The following PAH variants were observed in gnomAD, a reference collection of about 807,000 sequenced individuals.
PAH encodes the protein phenylalanine-4-hydroxylase.
A neutral mutation model predicts 62.0 loss-of-function variants in PAH; 64 were observed. The ratio of observed to expected loss-of-function variants is 1.03; its 90% CI spans 0.84 to 1.27. PAH has a LOEUF of 1.27. Among genes scored for constraint, PAH ranks in the 50% most tolerant of loss-of-function variants. PAH has a pLI of 0.00. For synonymous variants in PAH, 195 were observed against 196.2 expected, an observed-to-expected ratio of 0.99 and a Z score of 0.05; for missense variants, 579 against 542.8, an observed-to-expected ratio of 1.07 and a Z score of -0.66.
upstream of PAH, chr12:102,958,411 A>C (rs2136785388): frequency 1.3e-6 from 2 of 1,527,058 alleles, no homozygotes; most frequent in Non-Finnish European, 1.8e-6. Context: ...CAGCAGCAGC[A>C]GCAGCAGCAG....
At chr12:102,864,391 C>G (rs754317462) in intron 5 of PAH, among the ~76,000 whole-genome samples, 2 of 152,124 alleles carry the variant, frequency 1.3e-5, no homozygotes. Flanking sequence ...ACCGCAGTAT[C>G]CCCTTTATGC....
At chr12:102,879,404 TG>T (rs1438306941) in intron 3 of PAH, among the ~76,000 whole-genome samples, 1 of 151,430 alleles carries the variant, frequency 6.6e-6, no homozygotes, top group Admixed American at 6.6e-5. Context: ...GTGGCCAATC[TG>T]GGGAAATTCC....
chr12:102,922,072 C>T (rs1878563372), upstream of PAH, among the ~76,000 whole-genome samples: 1 of 151,974 alleles, frequency 6.6e-6, no homozygotes, highest in African/African-American at 2.4e-5. Context: ...CCAAAGATAA[C>T]CAATGTTGTC....
At chr12:102,846,081 A>T (rs1052431750) in intron 9 of PAH, among the ~76,000 whole-genome samples, 1 of 152,152 alleles carries the variant, frequency 6.6e-6, no homozygotes, top group Non-Finnish European at 1.5e-5. Flanking sequence ...AAATAGTTAA[A>T]TTTTTAGTTG....
At chr12:102,886,635 A>T (rs1373196825) in intron 3 of PAH, among the ~76,000 whole-genome samples, 42 of 152,108 alleles carry the variant, frequency 2.8e-4, no homozygotes, top group Admixed American at 2.8e-3. Flanking sequence ...TGTATTGGTT[A>T]TGTCACTCCA....
intron 7 of PAH, chr12:102,852,221 A>C: frequency 5.0e-6 from 1 of 200,370 alleles, no homozygotes; most frequent in Middle Eastern, 2.2e-3. Flanking sequence ...CAGTGAGGGA[A>C]GAAAACCTAC....
chr12:102,957,147 G>C lies in PAH; in HGVS notation c.-96+1048C>G, dbSNP rs1010300510. ...CCCGAAGAGAATAACAGTGAGGAGA[G>C]AGAGAAAACAGGAAAAGTCGAGCCC... On this transcript the variant is annotated intron_variant, in intron 1 of 4. Coordinates refer to the PAH transcript ENST00000551337. The surrounding 1 kb of genome is among the most constrained non-coding windows in gnomAD (Gnocchi z 4.1). 2.6e-5 allele frequency among the ~76,000 whole-genome samples: 4 copies of C among 152,118 alleles called. No individual in the cohort carries two copies. Among genetic ancestry groups the C allele is most frequent in the Admixed American group, 2.0e-4 (3 of 15,276 alleles).
Position 102,839,670 on chromosome 12 carries a change from C to A in PAH, c.1316-452G>T, listed in dbSNP as rs992505900. Among the ~76,000 whole-genome samples, 12 of 152,310 alleles carry A rather than the reference C, an allele frequency of 7.9e-5. No individual in the cohort carries two copies. In the South Asian group the frequency reaches 1.0e-3, roughly 13 times the overall value. ...ATGACTCAAAGCTATTAATTTTTAG[C>A]TGGCTTTTCATTTGATTCTGATGCA... On this transcript the variant is annotated intron_variant, in intron 12 of 12. Transcript: ENST00000553106.
Position 102,852,814 on chromosome 12 carries a change from C to T in PAH, c.842+1G>A, listed in dbSNP as rs5030852. 5.8e-5 allele frequency: 94 copies of T among 1,613,868 alleles called. No homozygotes were observed. The highest frequency in any genetic ancestry group is 7.5e-5 in the Non-Finnish European group (89 of 1,179,922). ...ACTGGTAGCTGGAGGACAGTACTCACGGTTCGGGGGTATACATGGGCTTGG... is the reference window on the plus strand; with the variant it reads ...ACTGGTAGCTGGAGGACAGTACTCATGGTTCGGGGGTATACATGGGCTTGG... On this transcript the variant is annotated splice_donor_variant, in intron 7 of 12. Coordinates refer to ENST00000553106, the MANE Select transcript of PAH (RefSeq NM_000277.3). LOFTEE classifies it high-confidence loss of function.
At chr12:102,893,229 G>A (rs933274587) in intron 3 of PAH, among the ~76,000 whole-genome samples, 20 of 151,946 alleles carry the variant, frequency 1.3e-4, no homozygotes, top group South Asian at 6.2e-4. Context: ...GTGAAATCCC[G>A]TCTCTATGGA....
At chr12:102,925,872 T>C (rs954727243) in intron 1 of PAH, among the ~76,000 whole-genome samples, 1 of 152,150 alleles carries the variant, frequency 6.6e-6, no homozygotes, top group Non-Finnish European at 1.5e-5. Flanking sequence ...GTAAATCAAG[T>C]GCATTTGATC....
In PAH at chr12:102,843,657, C is replaced by T. The variant is rs772683682; in HGVS notation, c.1188G>A (p.Lys396=). 5 of 1,613,558 alleles carry T rather than the reference C, an allele frequency of 3.1e-6. No homozygotes were observed. The highest frequency in any genetic ancestry group is 2.2e-5 in the South Asian group (2 of 91,046). ...YYVAESFNDA[K]EKVRNFAATI... Reference sequence around the variant, plus strand: ...TGTCACCACCTCACCTTACTTTCTCCTTGGCATCATTAAAACTCTCTGCCA... The same window carrying T: ...TGTCACCACCTCACCTTACTTTCTCTTTGGCATCATTAAAACTCTCTGCCA... The change falls in exon 11 of 13, where the codon AAG becomes AAA. Residue 396 remains lysine (K), a synonymous_variant. Coordinates refer to ENST00000553106, the MANE Select transcript of PAH (RefSeq NM_000277.3).
chr12:102,947,335 A>C (rs964900681), intron 1 of PAH, among the ~76,000 whole-genome samples: 1 of 152,138 alleles, frequency 6.6e-6, no homozygotes, highest in African/African-American at 2.4e-5. Context: ...TATAGAACAC[A>C]AAAGGAGGGA....
rs146376918 is a variant in PAH, at chr12:102,882,138, A to G, written c.353-4588T>C. 4.2e-4 allele frequency among the ~76,000 whole-genome samples: 64 copies of G among 152,226 alleles called. 1 individual carries two copies. The East Asian group carries it at 8.9e-3, about 21-fold the overall frequency. ...CCAACTCTTACCTCTTGTCCTTTTGATGTTAAAGACAACATGCTATTTACT... is the reference window on the plus strand; with the variant it reads ...CCAACTCTTACCTCTTGTCCTTTTGGTGTTAAAGACAACATGCTATTTACT... On this transcript the variant is annotated intron_variant, in intron 3 of 12. Coordinates refer to ENST00000553106, the MANE Select transcript of PAH (RefSeq NM_000277.3).
At chr12:102,859,733 T>G (rs1048136482) in intron 5 of PAH, among the ~76,000 whole-genome samples, 1 of 152,216 alleles carries the variant, frequency 6.6e-6, no homozygotes, top group African/African-American at 2.4e-5. Context: ...CACATGATTA[T>G]CTCAATAGAT....
chr12:102,891,265 A>T (rs11111419), intron 3 of PAH, among the ~76,000 whole-genome samples: 53,904 of 151,840 alleles, frequency 0.36, 10,671 homozygotes, highest in African/African-American at 0.52. Context: ...GAACAGGCAG[A>T]TTGACCCTTT....
chr12:102,902,368 C>T (rs1020966056), intron 2 of PAH, among the ~76,000 whole-genome samples: 2 of 152,132 alleles, frequency 1.3e-5, no homozygotes, highest in Non-Finnish European at 2.9e-5. Flanking sequence ...ATATAAGAAG[C>T]TATGAGAGGT....
In PAH at chr12:102,866,253, T is replaced by C. The variant is rs112588570; in HGVS notation, c.509+343A>G. Among the ~76,000 whole-genome samples the C allele has an allele frequency of 9.4e-3, 1,433 of 152,290 alleles. 16 individuals are homozygous for C. Among genetic ancestry groups the C allele is most frequent in the African/African-American group, 0.032 (1,316 of 41,558 alleles). ...CTCTTTTTCCTTCTTCCCTGTTTAA[T>C]GTAGAGAAGACCGGAGGCTGTTTTA... On this transcript the variant is annotated intron_variant, in intron 5 of 12. Coordinates refer to ENST00000553106, the MANE Select transcript of PAH (RefSeq NM_000277.3).
intron 2 of PAH, among the ~76,000 whole-genome samples, chr12:102,911,781 A>G (rs199511924): frequency 2.6e-5 from 4 of 152,202 alleles, no homozygotes; most frequent in Admixed American, 6.5e-5. Flanking sequence ...GTCATGCCCC[A>G]AAAGGATTTG....
Sources: gnomAD v4.1 joint callset for allele counts (sites outside exome capture counted in the v4.1 genomes callset) on GRCh38, gnomAD v4.1.1 for gene constraint, Gnocchi (gnomAD v3.1) non-coding constraint, MANE v1.5 for transcripts, NCBI Gene and HGNC (gene_info 2026-07-23, HGNC 2026-07-21) for gene names.